Variants in GRID2 observed in about 807,000 individuals in gnomAD.
The protein encoded by GRID2 is glutamate ionotropic receptor delta type subunit 2.
Under a neutral mutation model 114.8 loss-of-function variants are expected in GRID2, and 33 were observed. That is an observed-to-expected ratio of 0.29 (90% CI 0.22 to 0.38). GRID2 has a LOEUF of 0.38. GRID2 is among the 10% of genes least tolerant of loss of function. The probability of loss-of-function intolerance (pLI) is 1.00; values close to 1 mark genes in which losing one functional copy is unlikely to be tolerated. For missense variants in GRID2, 1,184 were observed against 1,257.7 expected, an observed-to-expected ratio of 0.94 and a Z score of 0.89; for synonymous variants, 505 against 449.9, an observed-to-expected ratio of 1.12 and a Z score of -1.55.
intron 2 of GRID2, among the ~76,000 whole-genome samples, chr4:92,712,242 C>A (rs1408356817): frequency 6.6e-6 from 1 of 151,948 alleles, no homozygotes; most frequent in Admixed American, 6.6e-5. Context: ...TATTTACAAT[C>A]GGTTATTTTT....
At chr4:93,636,309 T>C (rs766152498) in intron 14 of GRID2, among the ~76,000 whole-genome samples, 60 of 152,146 alleles carry the variant, frequency 3.9e-4, no homozygotes, top group South Asian at 8.3e-4. Context: ...CAGAAACCCA[T>C]TGGTTTACAA....
chr4:92,375,311 G>T (rs1294708568), intron 1 of GRID2, among the ~76,000 whole-genome samples: 1 of 152,106 alleles, frequency 6.6e-6, no homozygotes, highest in African/African-American at 2.4e-5. Context: ...GTACAAATTT[G>T]CAGGTGCTAA....
intron 4 of GRID2, among the ~76,000 whole-genome samples, chr4:93,169,945 T>C (rs1019303112): frequency 6.6e-6 from 1 of 152,232 alleles, no homozygotes; most frequent in African/African-American, 2.4e-5. Context: ...CATATTCAAG[T>C]ATGTTTCAAG....
At chr4:93,627,370 T>C (rs1403098758) in intron 14 of GRID2, among the ~76,000 whole-genome samples, 2 of 152,048 alleles carry the variant, frequency 1.3e-5, no homozygotes, top group Non-Finnish European at 2.9e-5. Context: ...TTTGTGTGTA[T>C]GTTTTTTTTT....
chr4:93,330,241 A>G (rs772328085), intron 8 of GRID2, among the ~76,000 whole-genome samples: 27 of 152,138 alleles, frequency 1.8e-4, no homozygotes, highest in Admixed American at 3.9e-4. Context: ...GGAGGTTCAC[A>G]AAACCCTATC....
rs56026771 is a variant in GRID2 at position 93,528,459 on chromosome 4, T to C, written c.2193+13048T>C. Among the ~76,000 whole-genome samples the C allele has an allele frequency of 5.7e-3, 862 of 152,192 alleles. 7 individuals carry two copies. Among genetic ancestry groups the C allele is most frequent in the Non-Finnish European group, 9.3e-3 (633 of 67,998 alleles). ...TTCTCACCAACATTTATTTTGTTTTTTTGATAGTAGCCATCCTAATGGGTA... is the reference window on the plus strand; with the variant it reads ...TTCTCACCAACATTTATTTTGTTTTCTTGATAGTAGCCATCCTAATGGGTA... On this transcript the variant is annotated intron_variant, in intron 13 of 15. Transcript: ENST00000282020.
intron 1 of GRID2, among the ~76,000 whole-genome samples, chr4:92,548,464 C>T (rs989495579): frequency 2.5e-5 from 3 of 118,464 alleles, no homozygotes; most frequent in Non-Finnish European, 4.8e-5. Flanking sequence ...TTCTGTGGAG[C>T]GATTTTGGCT....
At chr4:92,560,989 T>G (rs1414465560) in intron 1 of GRID2, among the ~76,000 whole-genome samples, 1 of 152,180 alleles carries the variant, frequency 6.6e-6, no homozygotes, top group Non-Finnish European at 1.5e-5. Context: ...ATTACAGGTG[T>G]GAGCCAAGGC....
chr4:92,596,425 C>G (rs1262337749), intron 2 of GRID2, among the ~76,000 whole-genome samples: 1 of 152,044 alleles, frequency 6.6e-6, no homozygotes, highest in East Asian at 1.9e-4. Flanking sequence ...CTCCAAACAC[C>G]TGCACATCAG....
chr4:92,684,398 A>G (rs2149287262), intron 2 of GRID2, among the ~76,000 whole-genome samples: 1 of 152,118 alleles, frequency 6.6e-6, no homozygotes, highest in East Asian at 1.9e-4. Flanking sequence ...TAATTTTATT[A>G]CTTCAATATA....
intron 1 of GRID2, among the ~76,000 whole-genome samples, chr4:92,423,417 A>T (rs916133219): frequency 6.6e-6 from 1 of 152,108 alleles, no homozygotes; most frequent in Non-Finnish European, 1.5e-5. Context: ...AAAGGAATTG[A>T]GGTGAAGCGA....
intron 2 of GRID2, among the ~76,000 whole-genome samples, chr4:93,056,750 T>A (rs1158629291): frequency 6.6e-6 from 1 of 151,958 alleles, no homozygotes; most frequent in Non-Finnish European, 1.5e-5. Flanking sequence ...TAAGGCCAAA[T>A]ACAGTGACAG....
chr4:92,535,243 TTAAG>T (rs576597438), intron 1 of GRID2, among the ~76,000 whole-genome samples: 57 of 152,284 alleles, frequency 3.7e-4, no homozygotes, highest in Admixed American at 3.1e-3. Context: ...TGTTTTATAA[TTAAG>T]TAATTAAATA....
chr4:93,468,605 G>A (rs1160479063), intron 11 of GRID2, among the ~76,000 whole-genome samples: 1 of 152,072 alleles, frequency 6.6e-6, no homozygotes, highest in African/African-American at 2.4e-5. Context: ...AAAATGCAAA[G>A]GTTCTGCTTG....
chr4:93,789,473 C>T (rs1168934278), intron 1 of GRID2, among the ~76,000 whole-genome samples: 1 of 152,178 alleles, frequency 6.6e-6, no homozygotes. Context: ...CAAATGGTAA[C>T]TTAGCCAGTG....
At chr4:92,704,803 T>G in intron 2 of GRID2, among the ~76,000 whole-genome samples, 1 of 113,576 alleles carries the variant, frequency 8.8e-6, no homozygotes, top group South Asian at 3.2e-4. Flanking sequence ...GGCCCTCCCC[T>G]TCCCTCTTTT....
chr4:93,111,620 G>T (rs553448763), intron 4 of GRID2, among the ~76,000 whole-genome samples: 2 of 152,092 alleles, frequency 1.3e-5, no homozygotes, highest in South Asian at 4.1e-4. Flanking sequence ...AAAGTTTATT[G>T]TCATGTCTTT....
At chr4:92,584,778 A>C (rs1297880681) in intron 1 of GRID2, among the ~76,000 whole-genome samples, 1 of 152,060 alleles carries the variant, frequency 6.6e-6, no homozygotes, top group Non-Finnish European at 1.5e-5. Flanking sequence ...AAAAATGCTT[A>C]AAGTGAAAAA....
chr4:93,591,358 T>G (rs942542415), intron 13 of GRID2, among the ~76,000 whole-genome samples: 2 of 151,388 alleles, frequency 1.3e-5, no homozygotes, highest in East Asian at 3.9e-4. Context: ...TGGATTACAT[T>G]TATTGATTTG....
Sources: allele counts gnomAD v4.1 joint callset (sites outside exome capture counted in the v4.1 genomes callset), GRCh38; gene constraint gnomAD v4.1.1; transcripts MANE v1.5; gene names NCBI Gene and HGNC (gene_info 2026-07-23, HGNC 2026-07-21).